Variants in MYT1L observed in about 807,000 individuals in gnomAD.
MYT1L encodes myelin transcription factor 1-like protein.
MYT1L carries 12 observed loss-of-function variants against 126.7 expected under a neutral mutation model. That is an observed-to-expected ratio of 0.09 (90% confidence interval 0.06 to 0.15). The LOEUF is 0.15. MYT1L is among the 10% of genes least tolerant of loss of function. MYT1L has a pLI of 1.00. For synonymous variants in MYT1L, 541 were observed against 604.2 expected, an observed-to-expected ratio of 0.90 and a Z score of 1.53; for missense variants, 979 against 1,585.2, an observed-to-expected ratio of 0.62 and a Z score of 6.49.
intron 18 of MYT1L, among the ~76,000 whole-genome samples, chr2:1,871,081 G>A (rs562770858): frequency 1.3e-5 from 2 of 152,370 alleles, no homozygotes; most frequent in South Asian, 2.1e-4. Context: ...GACAGAAGAA[G>A]CTGAGGAGGG....
intron 8 of MYT1L, among the ~76,000 whole-genome samples, chr2:1,956,128 T>G (rs904274379): frequency 1.3e-5 from 2 of 152,180 alleles, no homozygotes; most frequent in African/African-American, 4.8e-5. Flanking sequence ...CATGTCTTTC[T>G]ACCTACCTAT....
rs943943262 is a variant in MYT1L, at chr2:2,272,819, C to T, written c.-421+11585G>A. Among the ~76,000 whole-genome samples, 5 of 152,302 alleles carry T rather than the reference C, an allele frequency of 3.3e-5. No homozygotes were observed. The South Asian group carries it at 1.0e-3, about 32-fold the overall frequency. On this transcript the variant is annotated intron_variant, in intron 2 of 24. Coordinates refer to ENST00000647738, the MANE Select transcript of MYT1L (RefSeq NM_001303052.2). ...TGCTCGGAGGAACTCTTGGAAGTCA[C>T]CCTTGATGCTTCTTTCTCACACCCC...
intron 4 of MYT1L, among the ~76,000 whole-genome samples, chr2:2,019,493 G>T (rs1421873711): frequency 6.6e-6 from 1 of 152,158 alleles, no homozygotes; most frequent in Non-Finnish European, 1.5e-5. Flanking sequence ...CAAGAGAACA[G>T]ATTTGGTATC....
intron 1 of MYT1L, among the ~76,000 whole-genome samples, chr2:2,323,300 C>T (rs1356202210): frequency 6.6e-6 from 1 of 151,768 alleles, no homozygotes; most frequent in Non-Finnish European, 1.5e-5. Flanking sequence ...AAGCAAACAG[C>T]TAAAGTAAAG....
intron 8 of MYT1L, among the ~76,000 whole-genome samples, chr2:1,958,777 G>T (rs1174719271): frequency 6.7e-6 from 1 of 149,250 alleles, no homozygotes; most frequent in Non-Finnish European, 1.5e-5. Flanking sequence ...CCTTCTTCTA[G>T]GATTCTCTGG....
At chr2:2,288,137 C>T (rs1198609956) in intron 1 of MYT1L, among the ~76,000 whole-genome samples, 1 of 152,092 alleles carries the variant, frequency 6.6e-6, no homozygotes, top group Non-Finnish European at 1.5e-5. Flanking sequence ...GACTATGTGC[C>T]AAGTACTGAA....
At chr2:2,110,654 CCT>C in intron 3 of MYT1L, among the ~76,000 whole-genome samples, 1 of 151,806 alleles carries the variant, frequency 6.6e-6, no homozygotes, top group East Asian at 2.0e-4. Flanking sequence ...CCTCTGCCAC[CCT>C]GTCTGGTACT....
At chr2:1,805,572 TAGTC>T (rs1344517157) in intron 22 of MYT1L, among the ~76,000 whole-genome samples, 2 of 151,666 alleles carry the variant, frequency 1.3e-5, no homozygotes, top group East Asian at 1.9e-4. Flanking sequence ...GGGGGCAACA[TAGTC>T]AGACCTCATC....
At chr2:2,281,968 C>T (rs1311624453) in intron 2 of MYT1L, among the ~76,000 whole-genome samples, 1 of 152,132 alleles carries the variant, frequency 6.6e-6, no homozygotes, top group Non-Finnish European at 1.5e-5. Flanking sequence ...TGCACTCTGG[C>T]GTTTAGTATA....
At chr2:2,147,764 G>C (rs75917022) in intron 3 of MYT1L, among the ~76,000 whole-genome samples, 2,335 of 152,336 alleles carry the variant, frequency 0.015, 36 homozygotes, top group Non-Finnish European at 0.019. Context: ...CTGCGTCCCA[G>C]ACGAGGACAG....
At chr2:1,964,986 T>C (rs549938442) in intron 8 of MYT1L, among the ~76,000 whole-genome samples, 35 of 152,364 alleles carry the variant, frequency 2.3e-4, no homozygotes, top group Middle Eastern at 3.4e-3. Context: ...ATTCTCCATT[T>C]GCCTGGGGTG....
At chr2:1,952,318 G>A (rs2057832361) in intron 8 of MYT1L, among the ~76,000 whole-genome samples, 1 of 151,976 alleles carries the variant, frequency 6.6e-6, no homozygotes, top group South Asian at 2.1e-4. Flanking sequence ...TTCAAATAAA[G>A]TTACAATAAT....
intron 3 of MYT1L, among the ~76,000 whole-genome samples, chr2:2,088,391 T>C (rs1045670632): frequency 3.3e-5 from 5 of 152,166 alleles, no homozygotes; most frequent in South Asian, 2.1e-4. Flanking sequence ...CAAGAGACAG[T>C]GTTCTATGAG....
At chr2:1,994,833 T>G (rs1372870456) in intron 5 of MYT1L, among the ~76,000 whole-genome samples, 3 of 152,260 alleles carry the variant, frequency 2.0e-5, no homozygotes, top group Non-Finnish European at 4.4e-5. Flanking sequence ...TATACAGGTA[T>G]TTGAAATTAT....
chr2:1,941,883 A>C (rs898858541), intron 9 of MYT1L, among the ~76,000 whole-genome samples: 1 of 152,178 alleles, frequency 6.6e-6, no homozygotes, highest in Non-Finnish European at 1.5e-5. Context: ...GTTTCCTAGT[A>C]CAAACTCCTC....
At chr2:1,987,128 G>A (rs1281626418) in intron 5 of MYT1L, among the ~76,000 whole-genome samples, 2 of 151,952 alleles carry the variant, frequency 1.3e-5, no homozygotes, top group South Asian at 2.1e-4. Flanking sequence ...ACTTTATCTT[G>A]CCAGCAAGTT....
chr2:2,028,991 C>T (rs984002646), intron 4 of MYT1L, among the ~76,000 whole-genome samples: 1 of 152,034 alleles, frequency 6.6e-6, no homozygotes, highest in East Asian at 1.9e-4. Context: ...CCTCGGTATC[C>T]GTACTATAAA....
In MYT1L at chr2:1,922,743, A is replaced by G. The variant is rs2053732177; in HGVS notation, c.1026T>C (p.Ser342=). The G allele has an allele frequency of 1.2e-6, 2 of 1,613,742 alleles. No homozygotes were observed. Among genetic ancestry groups the G allele is most frequent in the East Asian group, 2.2e-5 (1 of 44,864 alleles). The change falls in exon 10 of 25, where the codon AGT becomes AGC. Residue 342 remains serine (S), a synonymous_variant. Transcript: ENST00000647738. The surrounding 1 kb of genome is among the most constrained non-coding windows in gnomAD (Gnocchi z 7.4). The stretch of plus-strand genomic sequence containing the variant: ...GATTCCTCTCCTGCGGGTTGGTCTC[A>G]CTGAGCTTCCTGGCCAGGTCGAAGC... The part of the protein sequence containing the change: ...NQCFDLARKL[S]ETNPQERNPQ...
At chr2:2,082,173 T>C (rs1038411109) in intron 3 of MYT1L, among the ~76,000 whole-genome samples, 17 of 152,170 alleles carry the variant, frequency 1.1e-4, no homozygotes, top group African/African-American at 4.1e-4. Flanking sequence ...AAAGAACTTA[T>C]GTGTGTATAG....
Sources: allele counts gnomAD v4.1 joint callset (sites outside exome capture counted in the v4.1 genomes callset), GRCh38; gene constraint gnomAD v4.1.1; non-coding constraint Gnocchi (gnomAD v3.1); transcripts MANE v1.5; gene names NCBI Gene and HGNC (gene_info 2026-07-23, HGNC 2026-07-21).